Variants in FABP12 observed in about 807,000 individuals in gnomAD.
The protein encoded by FABP12 is fatty acid-binding protein 12.
FABP12 carries 19 observed loss-of-function variants against 13.7 expected under a neutral mutation model. The observed-to-expected ratio is 1.39, with a 90% CI of 0.97 to 2.04. The LOEUF is 2.04. FABP12 is among the 30% of genes most tolerant of loss of function. The pLI is 0.00. For missense variants in FABP12, 182 were observed against 164.2 expected, an observed-to-expected ratio of 1.11 and a Z score of -0.59; for synonymous variants, 61 against 57.0, an observed-to-expected ratio of 1.07 and a Z score of -0.32.
intron 1 of FABP12, among the ~76,000 whole-genome samples, chr8:81,543,645 T>C (rs1258741695): frequency 6.6e-6 from 1 of 152,168 alleles, no homozygotes; most frequent in African/African-American, 2.4e-5. Context: ...GCAAAATGGC[T>C]GGAATGAAGT....
rs1309224999 is a variant in FABP12, at chr8:81,578,823, G to T, written c.-185+11230C>A. On this transcript the variant is annotated intron_variant, in intron 1 of 5. Transcript: ENST00000692030. ...TACAGAATCTGACACATTTGTTCAA[G>T]TTTTTTTTTTTTTTTTTTTGAGAAG... 7.4e-3 allele frequency among the ~76,000 whole-genome samples: 783 copies of T among 105,644 alleles called. 8 individuals are homozygous for T. The highest frequency in any genetic ancestry group is 0.035 in the East Asian group (117 of 3,334). The allele number at this position is 105,644 out of a possible 152,430, so 69.3% of individuals were successfully genotyped here. A position where few individuals can be genotyped will look rare whatever the true frequency, so the allele number is the denominator to read the frequency against.
intron 1 of FABP12, among the ~76,000 whole-genome samples, chr8:81,555,077 A>G (rs1436352738): frequency 6.6e-6 from 1 of 152,194 alleles, no homozygotes; most frequent in African/African-American, 2.4e-5. Context: ...TAAAAAAGTG[A>G]AGAGGAAAAC....
At chr8:81,579,900 G>T (rs545104233) in intron 1 of FABP12, among the ~76,000 whole-genome samples, 4 of 151,706 alleles carry the variant, frequency 2.6e-5, no homozygotes, top group South Asian at 2.1e-4. Context: ...TTTACCTAAT[G>T]AAAAAAAAGT....
chr8:81,527,236 G>T, intron 3 of FABP12, 115 bp from the exon 4 acceptor site: 1 of 550,392 alleles, frequency 1.8e-6, no homozygotes, highest in Non-Finnish European at 3.2e-6. Flanking sequence ...TTTTAGAATG[G>T]TATTGACAAC....
intron 1 of FABP12, among the ~76,000 whole-genome samples, chr8:81,571,741 C>A (rs1347452217): frequency 3.3e-5 from 5 of 152,140 alleles, no homozygotes; most frequent in Non-Finnish European, 7.4e-5. Context: ...ATGTTGGGGT[C>A]ATTTAAAGCT....
At chr8:81,564,249 G>T (rs1004065258) in intron 1 of FABP12, among the ~76,000 whole-genome samples, 1 of 152,106 alleles carries the variant, frequency 6.6e-6, no homozygotes, top group Non-Finnish European at 1.5e-5. Context: ...GGAATTCATT[G>T]ACCACACCTG....
At chr8:81,549,578 G>T (rs78346535) in intron 1 of FABP12, among the ~76,000 whole-genome samples, 1 of 152,142 alleles carries the variant, frequency 6.6e-6, no homozygotes, top group South Asian at 2.1e-4. Flanking sequence ...AGATTTAAAA[G>T]TTCACTGAAC....
intron 1 of FABP12, among the ~76,000 whole-genome samples, chr8:81,575,605 ATTAG>A (rs1019011530): frequency 2.0e-5 from 3 of 152,096 alleles, no homozygotes; most frequent in African/African-American, 7.2e-5. Context: ...TCTTGAGTCT[ATTAG>A]TTATTGTTTT....
chr8:81,537,173 CAT>C (rs1313732464), upstream of FABP12, among the ~76,000 whole-genome samples: 1 of 152,128 alleles, frequency 6.6e-6, no homozygotes, highest in African/African-American at 2.4e-5. Context: ...ATAAAAGTAA[CAT>C]GAGATGGTTA....
chr8:81,553,741 C>T (rs894711939), intron 1 of FABP12, among the ~76,000 whole-genome samples: 1 of 152,150 alleles, frequency 6.6e-6, no homozygotes, highest in Non-Finnish European at 1.5e-5. Flanking sequence ...TAGGTTAAAA[C>T]CCCTTGAAGG....
chr8:81,567,475 G>A (rs537973232), intron 1 of FABP12, among the ~76,000 whole-genome samples: 154 of 152,170 alleles, frequency 1.0e-3, no homozygotes, highest in African/African-American at 3.7e-3. Flanking sequence ...AGACCAGTGG[G>A]ACACAAGAGA....
upstream of FABP12, among the ~76,000 whole-genome samples, chr8:81,535,647 C>A (rs1042049257): frequency 7.2e-5 from 11 of 152,112 alleles, no homozygotes; most frequent in African/African-American, 2.4e-4. Flanking sequence ...TAATTCAGAC[C>A]CGAGGCTGTC....
chr8:81,537,295 T>TA (rs934303168), upstream of FABP12, among the ~76,000 whole-genome samples: 1 of 152,226 alleles, frequency 6.6e-6, no homozygotes, highest in Non-Finnish European at 1.5e-5. Context: ...AAACCTAGTT[T>TA]AAAAAGCTGT....
At chr8:81,562,270 C>T (rs185150035) in intron 1 of FABP12, among the ~76,000 whole-genome samples, 1 of 152,308 alleles carries the variant, frequency 6.6e-6, no homozygotes, top group Non-Finnish European at 1.5e-5. Context: ...AGCAGTGGTA[C>T]CCCGGCAGTA....
At chr8:81,589,276 C>A (rs1438660724) in intron 1 of FABP12, among the ~76,000 whole-genome samples, 2 of 152,092 alleles carry the variant, frequency 1.3e-5, no homozygotes, top group Non-Finnish European at 2.9e-5. Context: ...ACAAAACAAG[C>A]CCTGGCAGGG....
chr8:81,568,598 C>CT (rs1809869663), intron 1 of FABP12, among the ~76,000 whole-genome samples: 1 of 152,134 alleles, frequency 6.6e-6, no homozygotes, highest in Non-Finnish European at 1.5e-5. Flanking sequence ...AAAAATAGAA[C>CT]TACCACATGA....
intron 1 of FABP12, among the ~76,000 whole-genome samples, chr8:81,559,304 C>G (rs541984637): frequency 6.6e-6 from 1 of 152,212 alleles, no homozygotes; most frequent in East Asian, 1.9e-4. Context: ...ACGTTTTATG[C>G]CCCCCCGAGT....
At chr8:81,536,480 C>T (rs1038670939), upstream of FABP12, among the ~76,000 whole-genome samples, 9 of 152,162 alleles carry the variant, frequency 5.9e-5, no homozygotes, top group Non-Finnish European at 1.0e-4. Context: ...CTGGACAAGA[C>T]ATAGTGGGCA....
rs1259395708 is a variant in FABP12 at position 81,529,700 on chromosome 8, C to A, written c.74-90G>T. 20 of 1,154,096 alleles carry A rather than the reference C, an allele frequency of 1.7e-5. No individual in the cohort carries two copies. In the South Asian group the frequency reaches 3.1e-4, roughly 18 times the overall value. 71.5% of individuals were successfully genotyped at this position (1,154,096 alleles called of 1,614,324 possible). On this transcript the variant is annotated intron_variant, in intron 2 of 4. Coordinates refer to ENST00000360464, the Ensembl canonical transcript of FABP12. The stretch of plus-strand genomic sequence containing the variant: ...ATACAATACTTAAATCTGTTGTTGA[C>A]TCCAAAAACTCAACATTATCTGTAT...
Sources: gnomAD v4.1 joint callset for allele counts (sites outside exome capture counted in the v4.1 genomes callset) on GRCh38, gnomAD v4.1.1 for gene constraint, MANE v1.5 for transcripts, NCBI Gene and HGNC (gene_info 2026-07-23, HGNC 2026-07-21) for gene names.